Variants in ZNRF2 observed in about 807,000 individuals in gnomAD.
ZNRF2 encodes the protein zinc and ring finger 2, also known as E3 ubiquitin-protein ligase ZNRF2.
In ZNRF2, 16 loss-of-function variants were observed where a neutral mutation model predicts 20.4. The observed-to-expected ratio is 0.79, with a 90% CI of 0.53 to 1.19. The LOEUF is 1.19. Ranked by LOEUF, ZNRF2 falls within the 50% of genes most tolerant of loss-of-function variation. The probability of loss-of-function intolerance (pLI) is 0.00; values close to 1 mark genes in which losing one functional copy is unlikely to be tolerated. For missense variants in ZNRF2, 363 were observed against 332.4 expected, an observed-to-expected ratio of 1.09 and a Z score of -0.72; for synonymous variants, 178 against 144.9, an observed-to-expected ratio of 1.23 and a Z score of -1.64.
At chr7:30,346,580 C>G (rs1799883404) in intron 2 of ZNRF2, among the ~76,000 whole-genome samples, 1 of 151,870 alleles carries the variant, frequency 6.6e-6, no homozygotes, top group Non-Finnish European at 1.5e-5. Flanking sequence ...CCTAGTCTTT[C>G]CATTTGGAAG....
At chr7:30,339,470 T>G (rs1057295414) in intron 2 of ZNRF2, among the ~76,000 whole-genome samples, 1 of 152,212 alleles carries the variant, frequency 6.6e-6, no homozygotes, top group Non-Finnish European at 1.5e-5. Context: ...GGGTCCAGTT[T>G]CACTTTTCTG....
At chr7:30,342,870 T>C (rs987955834) in intron 2 of ZNRF2, among the ~76,000 whole-genome samples, 10 of 152,190 alleles carry the variant, frequency 6.6e-5, no homozygotes, top group Non-Finnish European at 1.2e-4. Context: ...TTTGAGAGTA[T>C]CTTTATCCAA....
chr7:30,327,733 CGGGCT>C (rs1008962916), intron 2 of ZNRF2, among the ~76,000 whole-genome samples: 2 of 151,656 alleles, frequency 1.3e-5, no homozygotes, highest in Non-Finnish European at 2.9e-5. Flanking sequence ...CTGTGTTGCC[CGGGCT>C]GGAGCTCAGT....
At chr7:30,312,286 G>A (rs919138651) in intron 1 of ZNRF2, among the ~76,000 whole-genome samples, 2 of 152,236 alleles carry the variant, frequency 1.3e-5, no homozygotes, top group Admixed American at 1.3e-4. Context: ...AGCCCTCTGA[G>A]GATTTTTAAA....
At chr7:30,356,035 A>G (rs535616746) in intron 3 of ZNRF2, among the ~76,000 whole-genome samples, 5 of 152,220 alleles carry the variant, frequency 3.3e-5, no homozygotes, top group African/African-American at 7.2e-5. Context: ...CTATTTTTAA[A>G]GCATTTGCTA....
intron 1 of ZNRF2, among the ~76,000 whole-genome samples, chr7:30,296,555 A>G (rs959765010): frequency 4.6e-5 from 7 of 152,344 alleles, no homozygotes; most frequent in Admixed American, 4.6e-4. Context: ...CTGGTGCTTC[A>G]ACACCCTTCA....
intron 3 of ZNRF2, among the ~76,000 whole-genome samples, chr7:30,358,838 G>A (rs373798332): frequency 6.6e-6 from 1 of 152,158 alleles, no homozygotes; most frequent in Non-Finnish European, 1.5e-5. Flanking sequence ...CTGATTCTCT[G>A]TGTGATCTTG....
At chr7:30,323,564 T>C (rs1799508273) in intron 1 of ZNRF2, 78 bp from the exon 2 acceptor site, 2 of 1,003,086 alleles carry the variant, frequency 2.0e-6, no homozygotes, top group Non-Finnish European at 2.9e-6. Context: ...CAAACGCTTT[T>C]TGATTTTCCA....
At chr7:30,316,759 A>C (rs1048259967) in intron 1 of ZNRF2, among the ~76,000 whole-genome samples, 1 of 152,130 alleles carries the variant, frequency 6.6e-6, no homozygotes, top group Admixed American at 6.5e-5. Flanking sequence ...AACCGTGATA[A>C]TTTAGAGAGA....
intron 2 of ZNRF2, among the ~76,000 whole-genome samples, chr7:30,338,958 G>A (rs1010074001): frequency 3.3e-5 from 5 of 152,052 alleles, no homozygotes; most frequent in African/African-American, 9.7e-5. Context: ...TTTAATGATC[G>A]CCATTCTAAC....
At chr7:30,333,364 T>G (rs904727841) in intron 2 of ZNRF2, among the ~76,000 whole-genome samples, 1 of 133,372 alleles carries the variant, frequency 7.5e-6, no homozygotes, top group Non-Finnish European at 1.6e-5. Context: ...ATATTTTGAC[T>G]TTTTTTTTTT....
chr7:30,351,876 A>G (rs1799966978), intron 2 of ZNRF2, among the ~76,000 whole-genome samples: 1 of 152,020 alleles, frequency 6.6e-6, no homozygotes, highest in African/African-American at 2.4e-5. Flanking sequence ...ACAGTGTCAT[A>G]TGCTTGGAGT....
chr7:30,332,272 G>A (rs938904446), intron 2 of ZNRF2, among the ~76,000 whole-genome samples: 1 of 152,080 alleles, frequency 6.6e-6, no homozygotes, highest in African/African-American at 2.4e-5. Flanking sequence ...GAACTTCACA[G>A]GTAATGAGTG....
intron 1 of ZNRF2, among the ~76,000 whole-genome samples, chr7:30,291,691 C>T (rs574896945): frequency 1.3e-5 from 2 of 152,306 alleles, no homozygotes; most frequent in Non-Finnish European, 2.9e-5. Context: ...ACAGGATTTT[C>T]ATCTGGATAG....
intron 2 of ZNRF2, among the ~76,000 whole-genome samples, chr7:30,337,976 C>T (rs908675839): frequency 2.0e-5 from 3 of 152,132 alleles, no homozygotes; most frequent in African/African-American, 7.2e-5. Context: ...CCACAGTACA[C>T]TTTACACTGT....
chr7:30,346,488 C>T (rs528605849), intron 2 of ZNRF2, among the ~76,000 whole-genome samples: 26 of 152,078 alleles, frequency 1.7e-4, no homozygotes, highest in African/African-American at 6.0e-4. Flanking sequence ...TGTGCCTGGC[C>T]AAAGTTATTC....
chr7:30,343,112 C>T (rs997923418), intron 2 of ZNRF2, among the ~76,000 whole-genome samples: 6 of 152,032 alleles, frequency 3.9e-5, no homozygotes, highest in African/African-American at 1.4e-4. Context: ...GTTCAAGACC[C>T]GACCAGCCTG....
At chr7:30,299,848 C>G (rs531160923) in intron 1 of ZNRF2, among the ~76,000 whole-genome samples, 1 of 142,680 alleles carries the variant, frequency 7.0e-6, no homozygotes, top group Non-Finnish European at 1.5e-5. Context: ...GGCATGGTCT[C>G]GGCTCACTAC....
chr7:30,321,643 T>C (rs898798072), intron 1 of ZNRF2, among the ~76,000 whole-genome samples: 35 of 152,166 alleles, frequency 2.3e-4, no homozygotes, highest in African/African-American at 8.2e-4. Context: ...ATTGCACTTT[T>C]GTTTAAGTTT....
Sources: gnomAD v4.1 joint callset for allele counts (sites outside exome capture counted in the v4.1 genomes callset) on GRCh38, gnomAD v4.1.1 for gene constraint, MANE v1.5 for transcripts, NCBI Gene and HGNC (gene_info 2026-07-23, HGNC 2026-07-21) for gene names.